Variants in ZNF827 observed in about 807,000 individuals in gnomAD.
ZNF827 encodes zinc finger protein 827.
In ZNF827, 13 loss-of-function variants were observed where a neutral mutation model predicts 102.4. The observed-to-expected ratio is 0.13, with a 90% confidence interval of 0.08 to 0.20. ZNF827 has a LOEUF of 0.20. Ranked by LOEUF, ZNF827 falls within the 10% of genes least tolerant of loss-of-function variation. ZNF827 has a pLI of 1.00. For synonymous variants in ZNF827, 523 were observed against 536.2 expected (o/e 0.98, Z 0.34); for missense variants, 1,103 against 1,344.4 (o/e 0.82, Z 2.81).
chr4:145,779,334 G>A (rs778306481), intron 9 of ZNF827, 40 bp downstream of exon 9: 3 of 1,595,004 alleles, frequency 1.9e-6, no homozygotes, highest in Admixed American at 1.8e-5. Context: ...AGTTGGTGAT[G>A]GAGCATAGAG....
chr4:145,766,600 G>T (rs1407244948), intron 11 of ZNF827, among the ~76,000 whole-genome samples: 3 of 152,190 alleles, frequency 2.0e-5, no homozygotes, highest in Admixed American at 2.0e-4. Context: ...CGGAGTATCA[G>T]AGAGGAAGGG....
At chr4:145,814,523 C>T (rs1742369776) in intron 8 of ZNF827, among the ~76,000 whole-genome samples, 1 of 152,054 alleles carries the variant, frequency 6.6e-6, no homozygotes, top group African/African-American at 2.4e-5. Flanking sequence ...CTCCAGTTGG[C>T]CACATTGGTA....
chr4:145,795,186 C>T (rs1331197512), intron 8 of ZNF827, among the ~76,000 whole-genome samples: 2 of 152,194 alleles, frequency 1.3e-5, no homozygotes, highest in Non-Finnish European at 1.5e-5. Context: ...CTCACTCCCT[C>T]GCCCAGGGTG....
intron 7 of ZNF827, among the ~76,000 whole-genome samples, chr4:145,837,044 G>T (rs1744913658): frequency 6.6e-6 from 1 of 152,138 alleles, no homozygotes; most frequent in African/African-American, 2.4e-5. Context: ...CACTGGATAG[G>T]TAGAGGCCTT....
chr4:145,795,142 TG>T (rs1287003515), intron 8 of ZNF827, among the ~76,000 whole-genome samples: 1 of 152,130 alleles, frequency 6.6e-6, no homozygotes, highest in Non-Finnish European at 1.5e-5. Context: ...TGTGTTTTTT[TG>T]TTTTGTTTTG....
chr4:145,778,135 CTT>C (rs1200852340), intron 9 of ZNF827, among the ~76,000 whole-genome samples: 1 of 151,966 alleles, frequency 6.6e-6, no homozygotes, highest in Non-Finnish European at 1.5e-5. Context: ...CTACAAAAAA[CTT>C]TTTGTTTTTT....
intron 7 of ZNF827, among the ~76,000 whole-genome samples, chr4:145,828,118 A>G (rs1007886115): frequency 3.3e-5 from 5 of 152,164 alleles, no homozygotes; most frequent in Non-Finnish European, 7.4e-5. Context: ...GGAGTAAAAC[A>G]ATCCATGAAA....
At chr4:145,884,950 G>C (rs886639152) in intron 4 of ZNF827, among the ~76,000 whole-genome samples, 19 of 152,060 alleles carry the variant, frequency 1.2e-4, no homozygotes, top group African/African-American at 4.6e-4. Flanking sequence ...CAGGGCCTGT[G>C]GGGGAAGAGG....
intron 8 of ZNF827, among the ~76,000 whole-genome samples, chr4:145,793,328 C>CTTATATATTTAATATATATAATATATATA (rs751410438): frequency 3.9e-4 from 41 of 105,106 alleles, no homozygotes; most frequent in East Asian, 2.0e-3. Context: ...TAATATATAT[C>CTTATATATTTAATATATATAATATATATA]TTATATATAT....
At chr4:145,855,363 C>T (rs1399077091) in intron 5 of ZNF827, among the ~76,000 whole-genome samples, 1 of 152,158 alleles carries the variant, frequency 6.6e-6, no homozygotes, top group Non-Finnish European at 1.5e-5. Context: ...CTCAAAGATA[C>T]AAAGGTCTTG....
rs1734389963 is a variant in ZNF827, at chr4:145,760,922, G to C, written c.*694C>G. On this transcript the variant is annotated 3_prime_UTR_variant, in exon 15 of 15. Transcript: ENST00000508784. ...TTCTTGGGGTATAACATTGTCAAGG[G>C]AATGAGATGGGCAAAATCTGAGTTC... 2 of 1,234,344 alleles carry C rather than the reference G, an allele frequency of 1.6e-6. No homozygotes were observed. The highest frequency in any genetic ancestry group is 2.8e-5 in the South Asian group (2 of 71,146). 76.5% of individuals were successfully genotyped at this position (1,234,344 alleles called of 1,614,324 possible).
intron 1 of ZNF827, among the ~76,000 whole-genome samples, chr4:145,937,843 G>A (rs1266220546): frequency 1.3e-5 from 2 of 150,134 alleles, no homozygotes; most frequent in East Asian, 2.0e-4. Flanking sequence ...CCCGGCGGCT[G>A]CTGCGCGCCC....
chr4:145,926,629 T>G (rs1306422354), intron 1 of ZNF827, among the ~76,000 whole-genome samples: 1 of 152,222 alleles, frequency 6.6e-6, no homozygotes, highest in Non-Finnish European at 1.5e-5. Flanking sequence ...GGGGTGGAAG[T>G]TGGGATGAGG....
chr4:145,922,166 T>A (rs1026055649), intron 1 of ZNF827, among the ~76,000 whole-genome samples: 4 of 152,186 alleles, frequency 2.6e-5, no homozygotes, highest in African/African-American at 9.7e-5. Context: ...ATTATAGCAT[T>A]ACCTAGTAAA....
chr4:145,924,210 A>G (rs1753268318), intron 1 of ZNF827, among the ~76,000 whole-genome samples: 1 of 152,242 alleles, frequency 6.6e-6, no homozygotes, highest in South Asian at 2.1e-4. Context: ...GCAATGTGGT[A>G]AAGTCCAGAG....
chr4:145,884,647 T>C (rs892829224), intron 4 of ZNF827, among the ~76,000 whole-genome samples: 1 of 152,092 alleles, frequency 6.6e-6, no homozygotes, highest in Non-Finnish European at 1.5e-5. Flanking sequence ...CAAAAGAGAA[T>C]GACAGGAAAA....
intron 8 of ZNF827, among the ~76,000 whole-genome samples, chr4:145,803,045 T>G (rs1415094912): frequency 1.3e-5 from 2 of 152,142 alleles, no homozygotes; most frequent in Non-Finnish European, 2.9e-5. Context: ...CCTCTCTTCT[T>G]CCTTCCTTCC....
At chr4:145,774,748 T>C (rs1736792019) in intron 10 of ZNF827, 76 bp from the exon 11 acceptor site, 2 of 1,459,044 alleles carry the variant, frequency 1.4e-6, no homozygotes, top group East Asian at 2.4e-5. Context: ...TGTCCATTTA[T>C]ACACAGTACA....
At chr4:145,873,081 G>GC (rs1488834884) in intron 4 of ZNF827, among the ~76,000 whole-genome samples, 1 of 150,728 alleles carries the variant, frequency 6.6e-6, no homozygotes, top group Admixed American at 6.6e-5. Context: ...GACTACAGGC[G>GC]CCCGCCACCA....
Sources: gnomAD v4.1 joint callset for allele counts (sites outside exome capture counted in the v4.1 genomes callset) on GRCh38, gnomAD v4.1.1 for gene constraint, MANE v1.5 for transcripts, NCBI Gene and HGNC (gene_info 2026-07-23, HGNC 2026-07-21) for gene names.